The following INO80 variants were observed in gnomAD, a reference collection of about 807,000 sequenced individuals.
The protein encoded by INO80 is INO80 complex ATPase subunit, also known as chromatin-remodeling ATPase INO80.
A neutral mutation model predicts 203.4 loss-of-function variants in INO80; 20 were observed. That is an observed-to-expected ratio of 0.10 (90% confidence interval 0.07 to 0.14). INO80 has a LOEUF of 0.14. Ranked by LOEUF, INO80 falls within the 10% of genes least tolerant of loss-of-function variation. INO80 has a pLI of 1.00. For synonymous variants in INO80, 726 were observed against 685.2 expected, an observed-to-expected ratio of 1.06 and a Z score of -0.93; for missense variants, 1,419 against 1,914.4, an observed-to-expected ratio of 0.74 and a Z score of 4.83.
At chr15:41,092,928 G>C (rs1316205781) in intron 4 of INO80, among the ~76,000 whole-genome samples, 2 of 152,084 alleles carry the variant, frequency 1.3e-5, no homozygotes, top group Admixed American at 1.3e-4. Flanking sequence ...CCAGCTACTT[G>C]GGAGACAGAG....
At chr15:41,014,274 C>T (rs1177768015) in intron 27 of INO80, among the ~76,000 whole-genome samples, 1 of 152,130 alleles carries the variant, frequency 6.6e-6, no homozygotes, top group East Asian at 1.9e-4. Context: ...ACCATTATGT[C>T]CCTTACCAGT....
rs111598691 is a variant in INO80, at chr15:41,096,366, G to A, written c.-43-13C>T. ...TCCGACTGCACGGCTGCAGAACAGA[G>A]ATAAGAAGTGAAAGATGAAATTACT... On this transcript the variant is annotated splice_polypyrimidine_tract_variant and intron_variant, in intron 1 of 35. Transcript: ENST00000648947. 28 of 1,477,636 alleles carry A rather than the reference G, an allele frequency of 1.9e-5. 1 individual carries two copies. The African/African-American group carries it at 2.6e-4, about 14-fold the overall frequency. The allele number at this position is 1,477,636 out of a possible 1,614,324, so 91.5% of individuals were successfully genotyped here.
At chr15:40,994,591 T>A (rs2043855973) in intron 29 of INO80, among the ~76,000 whole-genome samples, 1 of 152,044 alleles carries the variant, frequency 6.6e-6, no homozygotes, top group African/African-American at 2.4e-5. Flanking sequence ...GGTGTCGAAC[T>A]CCTGACCTTG....
chr15:40,982,346 C>T (rs181214717), intron 35 of INO80, among the ~76,000 whole-genome samples: 1 of 152,074 alleles, frequency 6.6e-6, no homozygotes, highest in African/African-American at 2.4e-5. Flanking sequence ...ACAGGGTTTC[C>T]TCATGTTGGC....
At chr15:41,033,468 A>C (rs886572690) in intron 24 of INO80, among the ~76,000 whole-genome samples, 1 of 151,788 alleles carries the variant, frequency 6.6e-6, no homozygotes, top group African/African-American at 2.4e-5. Context: ...TTGAGTAGAG[A>C]GACAGAGTGA....
intron 23 of INO80, among the ~76,000 whole-genome samples, chr15:41,046,206 C>CATACATATATAT (rs1268610100): frequency 6.9e-4 from 10 of 14,410 alleles, no homozygotes; most frequent in African/African-American, 2.0e-3. Context: ...CGTATACATA[C>CATACATATATAT]ATATATATAT....
intron 9 of INO80, among the ~76,000 whole-genome samples, chr15:41,078,596 C>T (rs1351752113): frequency 6.6e-6 from 1 of 152,174 alleles, no homozygotes; most frequent in African/African-American, 2.4e-5. Context: ...AAGGGAAGAT[C>T]AAGAGCTCAG....
intron 1 of INO80, among the ~76,000 whole-genome samples, chr15:41,100,672 C>G (rs986418639): frequency 3.3e-5 from 5 of 152,148 alleles, no homozygotes; most frequent in African/African-American, 1.2e-4. Flanking sequence ...ATGATGACAT[C>G]TGGAGAACCA....
At chr15:40,990,703 G>A (rs2043805837) in intron 29 of INO80, among the ~76,000 whole-genome samples, 1 of 152,124 alleles carries the variant, frequency 6.6e-6, no homozygotes. Flanking sequence ...CTGACCACAC[G>A]ACATTTTGGT....
intron 21 of INO80, among the ~76,000 whole-genome samples, chr15:41,048,770 A>G (rs896345337): frequency 6.6e-6 from 1 of 152,206 alleles, no homozygotes; most frequent in Admixed American, 6.5e-5. Context: ...ACTTGTTTAA[A>G]AATTCAGAAG....
At chr15:41,046,734 C>T (rs2044774250) in intron 23 of INO80, among the ~76,000 whole-genome samples, 2 of 152,098 alleles carry the variant, frequency 1.3e-5, no homozygotes, top group African/African-American at 2.4e-5. Flanking sequence ...TCTCCTGCCT[C>T]GGCCTCCCGA....
intron 24 of INO80, among the ~76,000 whole-genome samples, chr15:41,032,898 G>A (rs1403343685): frequency 1.3e-5 from 2 of 152,074 alleles, no homozygotes; most frequent in East Asian, 3.9e-4. Context: ...ATTAGCCAGG[G>A]GTGGTGGCAT....
chr15:41,007,182 CTTTTTTTTTTTTTT>C (rs11330780), intron 27 of INO80, among the ~76,000 whole-genome samples: 16 of 119,312 alleles, frequency 1.3e-4, no homozygotes, highest in Non-Finnish European at 1.9e-4. Context: ...TTTTTTTTTT[CTTTTTTTTTTTTTT>C]TTTTTTAGAC....
intron 24 of INO80, among the ~76,000 whole-genome samples, chr15:41,044,021 A>G (rs533858667): frequency 4.6e-5 from 7 of 151,986 alleles, no homozygotes; most frequent in Admixed American, 6.6e-5. Flanking sequence ...GTCACACAAC[A>G]AAACAAAACA....
Position 40,997,715 on chromosome 15 carries a change from T to G in INO80, c.3498-114A>C, listed in dbSNP as rs922320102. The G allele has an allele frequency of 8.5e-6, 6 of 706,854 alleles. No individual in the cohort carries two copies. The African/African-American group carries it at 1.1e-4, about 12-fold the overall frequency. The allele number at this position is 706,854 out of a possible 1,614,324, so 43.8% of individuals were successfully genotyped here. On this transcript the variant is annotated intron_variant, in intron 28 of 35. Transcript: ENST00000648947. ...TAAAGTCTAGGACTAAAAAGAGTTT[T>G]GGTGGTTACCTAGGCCTGACTGTAT...
At chr15:41,058,610 T>C (rs374040847) in intron 16 of INO80, 29 bp downstream of exon 16, 19 of 1,598,222 alleles carry the variant, frequency 1.2e-5, no homozygotes, top group Middle Eastern at 1.7e-4. Context: ...ACCCAATGCA[T>C]TGAGTTTGGT....
chr15:40,998,607 G>A (rs77421991), intron 28 of INO80, among the ~76,000 whole-genome samples: 4,060 of 151,888 alleles, frequency 0.027, 76 homozygotes, highest in South Asian at 0.043. Context: ...AAATATTTAC[G>A]GAATGTCTTC....
chr15:41,051,178 C>CT (rs960515109), intron 19 of INO80, among the ~76,000 whole-genome samples: 9 of 144,564 alleles, frequency 6.2e-5, no homozygotes, highest in Admixed American at 3.5e-4. Flanking sequence ...ACCTTACTGT[C>CT]TGAGTTTCTC....
At chr15:41,100,698 G>C (rs1172142143) in intron 1 of INO80, among the ~76,000 whole-genome samples, 4 of 152,090 alleles carry the variant, frequency 2.6e-5, no homozygotes, top group Admixed American at 2.6e-4. Context: ...TATTTTTTAA[G>C]TGTTCAATTT....
Sources: gnomAD v4.1 joint callset for allele counts (sites outside exome capture counted in the v4.1 genomes callset) on GRCh38, gnomAD v4.1.1 for gene constraint, MANE v1.5 for transcripts, NCBI Gene and HGNC (gene_info 2026-07-23, HGNC 2026-07-21) for gene names.